TRIM33: variants seen among roughly 807,000 people sequenced by gnomAD.
TRIM33 encodes the protein E3 ubiquitin-protein ligase TRIM33.
A neutral mutation model predicts 125.4 loss-of-function variants in TRIM33; 20 were observed. That is an observed-to-expected ratio of 0.16 (90% CI 0.11 to 0.23). TRIM33 has a LOEUF of 0.23. TRIM33 is among the 10% of genes least tolerant of loss of function. The pLI is 1.00. For missense variants in TRIM33, 920 were observed against 1,411.4 expected (o/e 0.65, Z 5.58); for synonymous variants, 564 against 513.9 (o/e 1.10, Z -1.32).
At position 114,510,914 on chromosome 1, in the gene TRIM33, C is replaced by A; in HGVS notation, c.163G>T (p.Ala55Ser). Residue 55 changes from alanine (A) to serine (S), a missense_variant, in exon 1 of 20, where the codon GCT becomes TCT. Ala to Ser is a moderately conservative substitution (Grantham distance 99). Around this residue, in one of 8 missense-constraint regions of TRIM33, gnomAD observed 233 missense variants for 189.6 expected, o/e 1.23. Coordinates refer to ENST00000358465, the MANE Select transcript of TRIM33 (RefSeq NM_015906.4). ...EEEEEGGRAG[A>S]EGGAAGPDDG... ...TCGGGCCCGGCCGCGCCGCCCTCAGCGCCGGCCCTGCCGCCTTCCTCCTCC... is the reference window on the plus strand; with the variant it reads ...TCGGGCCCGGCCGCGCCGCCCTCAGAGCCGGCCCTGCCGCCTTCCTCCTCC... 1 of 1,420,934 alleles carries A rather than the reference C, an allele frequency of 7.0e-7. No homozygotes were observed. The highest frequency in any genetic ancestry group is 9.2e-7 in the Non-Finnish European group (1 of 1,092,608). 88.0% of individuals were successfully genotyped at this position (1,420,934 alleles called of 1,614,324 possible).
In TRIM33 at chr1:114,450,777, T is replaced by G. The variant is rs549217688; in HGVS notation, c.923+12327A>C. Among the ~76,000 whole-genome samples the G allele has an allele frequency of 2.0e-5, 3 of 152,324 alleles. No homozygotes were observed. In the South Asian group the frequency reaches 6.2e-4, roughly 32 times the overall value. On this transcript the variant is annotated intron_variant, in intron 4 of 19. Transcript: ENST00000358465. ...CCTTAATCCATAGCATACTATCATT[T>G]TATGATGTTATACACCTTGATATGG...
At chr1:114,479,796 C>A (rs926857833) in intron 1 of TRIM33, among the ~76,000 whole-genome samples, 1 of 152,192 alleles carries the variant, frequency 6.6e-6, no homozygotes, top group African/African-American at 2.4e-5. Context: ...CATAATTAGC[C>A]GCCCCATCCA....
At chr1:114,500,380 T>C (rs1652639762) in intron 1 of TRIM33, among the ~76,000 whole-genome samples, 1 of 151,902 alleles carries the variant, frequency 6.6e-6, no homozygotes, top group South Asian at 2.1e-4. Context: ...CAGGCTGGAG[T>C]ACAGTTGCTA....
In TRIM33 at chr1:114,449,713, T is replaced by A. The variant is rs1217941116; in HGVS notation, c.923+13391A>T. Among the ~76,000 whole-genome samples, 5 of 152,324 alleles carry A rather than the reference T, an allele frequency of 3.3e-5. No homozygotes were observed. The South Asian group carries it at 6.2e-4, about 19-fold the overall frequency. ...GAGAAATAAATACATTTCTCCAAAA[T>A]ATATTCTCTCCAAATTTATTCCATC... On this transcript the variant is annotated intron_variant, in intron 4 of 19. Transcript: ENST00000358465.
At chr1:114,443,968 A>C (rs1055992666) in intron 4 of TRIM33, among the ~76,000 whole-genome samples, 3 of 152,222 alleles carry the variant, frequency 2.0e-5, no homozygotes, top group Non-Finnish European at 2.9e-5. Flanking sequence ...GTCACCAAAA[A>C]CTATAAAAGA....
chr1:114,489,640 G>A (rs1170682134), intron 1 of TRIM33, among the ~76,000 whole-genome samples: 1 of 152,056 alleles, frequency 6.6e-6, no homozygotes, highest in Admixed American at 6.6e-5. Context: ...AGCTACTTGG[G>A]AGGCTGGGGT....
At chr1:114,411,457 C>A (rs371525213) in intron 11 of TRIM33, among the ~76,000 whole-genome samples, 1 of 152,124 alleles carries the variant, frequency 6.6e-6, no homozygotes, top group African/African-American at 2.4e-5. Context: ...GATGCACTTG[C>A]AAAGCTGTGA....
At chr1:114,457,246 A>C (rs1050761429) in intron 4 of TRIM33, among the ~76,000 whole-genome samples, 6 of 152,184 alleles carry the variant, frequency 3.9e-5, no homozygotes, top group African/African-American at 1.4e-4. Context: ...GTCCGGCCCT[A>C]TGGACATTCC....
At chr1:114,468,052 G>A (rs1339484285) in intron 1 of TRIM33, among the ~76,000 whole-genome samples, 3 of 152,146 alleles carry the variant, frequency 2.0e-5, no homozygotes, top group Non-Finnish European at 2.9e-5. Flanking sequence ...CAAAGAATAG[G>A]AAAAAGAAGC....
intron 13 of TRIM33, 36 bp downstream of exon 13, chr1:114,408,640 TA>T: frequency 7.1e-7 from 1 of 1,407,604 alleles, no homozygotes; most frequent in East Asian, 2.5e-5. Context: ...CTATTTTTCT[TA>T]ACAAAAAGGA....
chr1:114,430,682 A>C, intron 6 of TRIM33, 116 bp downstream of exon 6: 1 of 682,892 alleles, frequency 1.5e-6, no homozygotes, highest in Non-Finnish European at 2.6e-6. Flanking sequence ...ACCTTATTTT[A>C]CGTTTTCCTT....
chr1:114,433,433 T>C (rs1011871986), intron 5 of TRIM33, among the ~76,000 whole-genome samples, 184 bp downstream of exon 5: 2 of 152,196 alleles, frequency 1.3e-5, no homozygotes, highest in African/African-American at 2.4e-5. Context: ...CCTAAAAGGG[T>C]ATACAAGAGT....
At chr1:114,423,197 C>A (rs1647319000) in intron 10 of TRIM33, among the ~76,000 whole-genome samples, 1 of 152,114 alleles carries the variant, frequency 6.6e-6, no homozygotes, top group Admixed American at 6.5e-5. Context: ...ATTTGGTCCA[C>A]AGAAAAAGTT....
intron 10 of TRIM33, among the ~76,000 whole-genome samples, chr1:114,423,543 A>T (rs964485861): frequency 6.6e-5 from 10 of 151,934 alleles, no homozygotes; most frequent in African/African-American, 2.4e-4. Context: ...TTCAAATGTG[A>T]GCGAGTATAT....
At chr1:114,419,200 C>CAAAAAAAAAAAA (rs35757503) in intron 11 of TRIM33, among the ~76,000 whole-genome samples, 22 of 53,968 alleles carry the variant, frequency 4.1e-4, no homozygotes, top group Admixed American at 7.3e-4. Context: ...GACACCATCT[C>CAAAAAAAAAAAA]AAAAAAAAAA....
At chr1:114,444,638 A>T (rs1557869447) in intron 4 of TRIM33, among the ~76,000 whole-genome samples, 1 of 152,248 alleles carries the variant, frequency 6.6e-6, no homozygotes, top group Non-Finnish European at 1.5e-5. Context: ...CTTTCTACAG[A>T]TCTTCCCTAA....
In TRIM33 at chr1:114,463,458, T is replaced by G; in HGVS notation, c.744A>C (p.Val248=). The stretch of plus-strand genomic sequence containing the variant: ...TGATCAAGTGATCTTTAGTAAATTT[T>G]ACTCTTTGATGTGCTTCGATACATG... ...CKTCIEAHQR[V]KFTKDHLIRK... Residue 248 remains valine, a synonymous_variant, in exon 3 of 20, where the codon GTA becomes GTC. Transcript: ENST00000358465. The G allele has an allele frequency of 6.2e-7, 1 of 1,613,358 alleles. No individual in the cohort carries two copies. Among genetic ancestry groups the G allele is most frequent in the East Asian group, 2.2e-5 (1 of 44,838 alleles).
At chr1:114,461,661 C>T (rs1177840026) in intron 4 of TRIM33, among the ~76,000 whole-genome samples, 2 of 152,150 alleles carry the variant, frequency 1.3e-5, no homozygotes, top group Non-Finnish European at 2.9e-5. Context: ...TTTGAGGTGG[C>T]AATGCCGCTG....
chr1:114,470,311 T>C (rs1650561534), intron 1 of TRIM33, among the ~76,000 whole-genome samples: 1 of 152,218 alleles, frequency 6.6e-6, no homozygotes, highest in African/African-American at 2.4e-5. Context: ...ACTGTGCGTC[T>C]TTCTGTTACA....
Sources: gnomAD v4.1 joint callset for allele counts (sites outside exome capture counted in the v4.1 genomes callset) on GRCh38, gnomAD v4.1.1 for gene constraint, gnomAD v4.1.1 regional missense constraint, MANE v1.5 for transcripts, NCBI Gene and HGNC (gene_info 2026-07-23, HGNC 2026-07-21) for gene names.